The following ARHGAP25 variants were observed in gnomAD, a reference collection of about 807,000 sequenced individuals.
ARHGAP25 encodes the protein rho GTPase-activating protein 25.
ARHGAP25 carries 34 observed loss-of-function variants against 71.0 expected under a neutral mutation model. The observed-to-expected ratio is 0.48, with a 90% CI of 0.36 to 0.64. ARHGAP25 has a LOEUF of 0.64. Among genes scored for constraint, ARHGAP25 ranks in the 30% least tolerant of loss-of-function variants. The probability of loss-of-function intolerance (pLI) is 0.00; values close to 1 mark genes in which losing one functional copy is unlikely to be tolerated. For synonymous variants in ARHGAP25, 282 were observed against 296.5 expected (o/e 0.95, Z 0.50); for missense variants, 706 against 805.1 (o/e 0.88, Z 1.49).
At chr2:68,727,460 A>C (rs997789989) in intron 2 of ARHGAP25, among the ~76,000 whole-genome samples, 1 of 152,114 alleles carries the variant, frequency 6.6e-6, no homozygotes, top group African/African-American at 2.4e-5. Context: ...AGGGCACTTG[A>C]TCTGCCTCAG....
chr2:68,753,022 C>T (rs949603096), intron 1 of ARHGAP25, among the ~76,000 whole-genome samples: 1 of 152,028 alleles, frequency 6.6e-6, no homozygotes, highest in South Asian at 2.1e-4. Context: ...TCAATCCTCC[C>T]AGTTATGACA....
chr2:68,807,190 A>T (rs759943552), intron 4 of ARHGAP25, 83 bp from the exon 5 acceptor site: 1 of 1,338,510 alleles, frequency 7.5e-7, no homozygotes, highest in Non-Finnish European at 1.1e-6. Context: ...ACCTGTGAAG[A>T]CACAGGTGAC....
At chr2:68,824,307 C>T (rs933413046) in intron 10 of ARHGAP25, among the ~76,000 whole-genome samples, 1 of 152,230 alleles carries the variant, frequency 6.6e-6, no homozygotes, top group Non-Finnish European at 1.5e-5. Flanking sequence ...AGCCTCCCAT[C>T]CCAGGCTCCT....
Position 68,775,428 on chromosome 2 carries a change from C to G in ARHGAP25, c.261+8C>G. ...GAGGACACGAAGCCCCAGGTACCAG[C>G]CAGGCTGTTTGTCCCGTTCATAAGG... On this transcript the variant is annotated splice_region_variant and intron_variant, in intron 2 of 10. Coordinates refer to ENST00000409202, the MANE Select transcript of ARHGAP25 (RefSeq NM_001007231.3). The G allele has an allele frequency of 6.2e-7, 1 of 1,614,218 alleles. No individual in the cohort carries two copies. Among genetic ancestry groups the G allele is most frequent in the South Asian group, 1.1e-5 (1 of 91,080 alleles).
chr2:68,794,114 AT>A (rs1679376841), intron 4 of ARHGAP25, among the ~76,000 whole-genome samples: 1 of 152,126 alleles, frequency 6.6e-6, no homozygotes, highest in Non-Finnish European at 1.5e-5. Flanking sequence ...TTGTATGTTG[AT>A]TTTATATCCT....
chr2:68,796,538 G>A (rs375506454), intron 4 of ARHGAP25, among the ~76,000 whole-genome samples: 15 of 152,312 alleles, frequency 9.8e-5, no homozygotes, highest in African/African-American at 3.6e-4. Context: ...GATGTTGGTT[G>A]GGTAGGGCCA....
intron 1 of ARHGAP25, among the ~76,000 whole-genome samples, chr2:68,753,592 G>A (rs1314112630): frequency 6.6e-6 from 1 of 152,170 alleles, no homozygotes; most frequent in Non-Finnish European, 1.5e-5. Flanking sequence ...AAAGAACAAA[G>A]CTAAATGATG....
intron 2 of ARHGAP25, among the ~76,000 whole-genome samples, chr2:68,780,730 A>G (rs1203680219): frequency 6.7e-6 from 1 of 149,480 alleles, no homozygotes; most frequent in Non-Finnish European, 1.5e-5. Context: ...GTTCTCTCTC[A>G]GTCTTAGGCA....
At chr2:68,823,768 G>A (rs901891753) in intron 10 of ARHGAP25, among the ~76,000 whole-genome samples, 2 of 152,212 alleles carry the variant, frequency 1.3e-5, no homozygotes, top group Non-Finnish European at 2.9e-5. Flanking sequence ...CGGCTGCAGG[G>A]GGCAAACAGA....
chr2:68,815,397 C>G (rs1236992737), intron 6 of ARHGAP25, among the ~76,000 whole-genome samples: 3 of 145,464 alleles, frequency 2.1e-5, no homozygotes, highest in African/African-American at 7.6e-5. Flanking sequence ...GAGAGCTGCT[C>G]AGGTTTGAGG....
chr2:68,743,858 A>G (rs1254821710), intron 1 of ARHGAP25, among the ~76,000 whole-genome samples: 1 of 152,170 alleles, frequency 6.6e-6, no homozygotes, highest in African/African-American at 2.4e-5. Context: ...AAGTAACCCT[A>G]GAATCAGGTC....
chr2:68,776,022 T>G (rs966561045), intron 2 of ARHGAP25, among the ~76,000 whole-genome samples: 1 of 152,170 alleles, frequency 6.6e-6, no homozygotes, highest in African/African-American at 2.4e-5. Flanking sequence ...GATGGTCAAA[T>G]GACCTCATGA....
chr2:68,712,222 T>C (rs1404004778), intron 2 of ARHGAP25, among the ~76,000 whole-genome samples: 1 of 152,252 alleles, frequency 6.6e-6, no homozygotes, highest in Non-Finnish European at 1.5e-5. Flanking sequence ...TGGCGTGAGA[T>C]GGTATCTCAT....
At chr2:68,782,929 T>C (rs1239562119) in intron 3 of ARHGAP25, among the ~76,000 whole-genome samples, 1 of 152,232 alleles carries the variant, frequency 6.6e-6, no homozygotes, top group Middle Eastern at 3.2e-3. Context: ...CCCTGTCTCT[T>C]GCTCCTCTGC....
rs544564847 is a variant in ARHGAP25 at position 68,722,835 on chromosome 2, G to A, written c.-18+12137G>A. 3.3e-5 allele frequency among the ~76,000 whole-genome samples: 5 copies of A among 152,218 alleles called. No individual in the cohort carries two copies. The East Asian group carries it at 9.7e-4, about 29-fold the overall frequency. ...AGCTTTGCAAAGCACCATGCAAAGT[G>A]CTTGAGGCAAATACGAGTGTCACTT... On this transcript the variant is annotated intron_variant and NMD_transcript_variant, in intron 2 of 7. Transcript: ENST00000463483.
At position 68,767,078 on chromosome 2, in the gene ARHGAP25, G is replaced by A. The variant is rs960351874; in HGVS notation, c.62-8143G>A. ...AACTTTTAGATATTTCTATGAATTC[G>A]GTTATACAAATTTGTCTCAAGGGTG... On this transcript the variant is annotated intron_variant, in intron 1 of 10. Coordinates refer to ENST00000409202, the MANE Select transcript of ARHGAP25 (RefSeq NM_001007231.3). This position sits in a 1 kb window ranked among gnomAD's most constrained non-coding sequence, Gnocchi z 4.6. Among the ~76,000 whole-genome samples the A allele has an allele frequency of 2.9e-4, 44 of 152,134 alleles. No homozygotes were observed. The highest frequency in any genetic ancestry group is 1.0e-3 in the African/African-American group (43 of 41,402).
chr2:68,772,143 T>G (rs540622375), intron 1 of ARHGAP25, among the ~76,000 whole-genome samples: 1 of 152,382 alleles, frequency 6.6e-6, no homozygotes, highest in South Asian at 2.1e-4. Flanking sequence ...ATTTCTTCTA[T>G]GCTGAGTGAA....
chr2:68,816,212 GTCCCAGGGTC>G, intron 6 of ARHGAP25, 67 bp from the exon 7 acceptor site: 1 of 1,217,846 alleles, frequency 8.2e-7, no homozygotes, highest in Non-Finnish European at 1.2e-6. Context: ...CACCAATTCT[GTCCCAGGGTC>G]TCCTTGCTGG....
chr2:68,727,890 T>G (rs942503371), intron 2 of ARHGAP25, among the ~76,000 whole-genome samples: 6 of 152,240 alleles, frequency 3.9e-5, no homozygotes, highest in African/African-American at 1.4e-4. Context: ...TCAGCAGATC[T>G]AATCACTCCT....
Sources: allele counts gnomAD v4.1 joint callset (sites outside exome capture counted in the v4.1 genomes callset), GRCh38; gene constraint gnomAD v4.1.1; non-coding constraint Gnocchi (gnomAD v3.1); transcripts MANE v1.5; gene names NCBI Gene and HGNC (gene_info 2026-07-23, HGNC 2026-07-21).